CAMSAP3: variants seen among roughly 807,000 people sequenced by gnomAD.
The protein encoded by CAMSAP3 is calmodulin regulated spectrin associated protein family member 3, also known as calmodulin-regulated spectrin-associated protein 3.
In CAMSAP3, 34 loss-of-function variants were observed where a neutral mutation model predicts 112.5. The ratio of observed to expected loss-of-function variants is 0.30; its 90% CI spans 0.23 to 0.40. The LOEUF (loss-of-function observed/expected upper bound fraction) is 0.40. Among genes scored for constraint, CAMSAP3 ranks in the 10% least tolerant of loss-of-function variants. The pLI is 1.00. For missense variants in CAMSAP3, 1,602 were observed against 1,770.3 expected (o/e 0.90, Z 1.71); for synonymous variants, 868 against 799.8 (o/e 1.09, Z -1.44).
At position 7,610,563 on chromosome 19, in the gene CAMSAP3, G is replaced by A. The variant is rs774436448; in HGVS notation, c.848G>A (p.Arg283His). ...GATTTCTGTGCCTCTCGCCTTCCTC[G>A]TGGCTGCCCCCTGTCCCTTGAGGAC... ...VQDFCASRLP[R>H]GCPLSLEDLL... is the part of the protein sequence containing the mutation. Residue 283 changes from arginine (R) to histidine (H), a missense_variant, in exon 6 of 17, where the codon CGT (arginine) becomes CAT (histidine). Physicochemically the swap from Arg to His is conservative, Grantham distance 29. Transcript: ENST00000160298. The surrounding 1 kb of genome is among the most constrained non-coding windows in gnomAD (Gnocchi z 4.9). 108 of 1,613,562 alleles carry A rather than the reference G, an allele frequency of 6.7e-5. 1 individual carries two copies. Among genetic ancestry groups the A allele is most frequent in the Admixed American group, 1.3e-4 (8 of 59,996 alleles).
chr19:7,599,087 C>T (rs2446179), intron 1 of CAMSAP3, among the ~76,000 whole-genome samples: 69,287 of 151,488 alleles, frequency 0.46, 16,121 homozygotes, highest in South Asian at 0.64. Flanking sequence ...AGGAGGATTG[C>T]CTGAGCCCAG....
intron 1 of CAMSAP3, among the ~76,000 whole-genome samples, chr19:7,604,625 G>T (rs984499259): frequency 1.3e-5 from 2 of 151,756 alleles, no homozygotes; most frequent in Admixed American, 1.3e-4. Flanking sequence ...CTGCTCGCCT[G>T]TGTGCCCCCC....
chr19:7,612,093 G>GT lies in CAMSAP3; in HGVS notation c.1601dup (p.Glu536GlyfsTer45). 6.2e-7 allele frequency: 1 copy of GT among 1,609,968 alleles called. No individual in the cohort carries two copies. The highest frequency in any genetic ancestry group is 8.5e-7 in the Non-Finnish European group (1 of 1,177,434). On this transcript the variant is annotated frameshift_variant, in exon 11 of 17. Transcript: ENST00000160298. LOFTEE classifies it high-confidence loss of function. ...CCCCTCGAAACCATCTCCCTGTCTG[G>GT]TGGGGGAGGCATCGAAACCGCCAGC...
Position 7,596,129 on chromosome 19 carries a change from C to T in CAMSAP3, c.127C>T (p.Arg43Trp). ...GGCGGCCAGCCTGGCGTGGGTGCTG[C>T]GGGCCGCGTTCGGGGGCGCAGGTAC... Reference protein sequence around the residue: ...KAAASLAWVLRAAFGGAEHVP... With the variant: ...KAAASLAWVLWAAFGGAEHVP... The change falls in exon 1 of 17, where the codon CGG becomes TGG. Residue 43 changes from arginine (R) to tryptophan (W), a missense_variant. By Grantham distance (101) the Arg-to-Trp change is moderately radical. Coordinates refer to ENST00000160298, the MANE Select transcript of CAMSAP3 (RefSeq NM_020902.2). 2 of 1,112,750 alleles carry T rather than the reference C, an allele frequency of 1.8e-6. No individual in the cohort carries two copies. Among genetic ancestry groups the T allele is most frequent in the South Asian group, 2.0e-5 (1 of 49,398 alleles). The allele number at this position is 1,112,750 out of a possible 1,614,324, so 68.9% of individuals were successfully genotyped here.
chr19:7,613,716 G>C (rs912437641), intron 11 of CAMSAP3, among the ~76,000 whole-genome samples: 5 of 151,932 alleles, frequency 3.3e-5, no homozygotes, highest in African/African-American at 1.2e-4. Flanking sequence ...CAGATAGACG[G>C]ACAGGACCAG....
At chr19:7,616,947 T>G (rs866989281) in intron 14 of CAMSAP3, among the ~76,000 whole-genome samples, 15 of 112,392 alleles carry the variant, frequency 1.3e-4, no homozygotes, top group East Asian at 4.3e-4. Context: ...TTTTTTTTTT[T>G]TTTTTTTTTT....
chr19:7,602,064 A>G (rs1320888405), intron 1 of CAMSAP3, among the ~76,000 whole-genome samples: 1 of 152,088 alleles, frequency 6.6e-6, no homozygotes, highest in Non-Finnish European at 1.5e-5. Context: ...ATTGTCTCAA[A>G]AAAAAAAGGA....
Position 7,613,109 on chromosome 19 carries a change from G to A in CAMSAP3, c.2616G>A (p.Glu872=). 1 of 1,546,014 alleles carries A rather than the reference G, an allele frequency of 6.5e-7. No individual in the cohort carries two copies. Among genetic ancestry groups the A allele is most frequent in the African/African-American group, 1.4e-5 (1 of 72,778 alleles). The change falls in exon 11 of 17, where the codon GAG becomes GAA. Residue 872 remains glutamate (E), a synonymous_variant. Coordinates refer to ENST00000160298, the MANE Select transcript of CAMSAP3 (RefSeq NM_020902.2). ...GSPAGAEDSL[E]EEASSEGEPR... is the part of the protein sequence containing the mutation. ...CCGCTGGTGCTGAGGATTCCTTGGA[G>A]GAGGAGGCGTCTTCGGAGGGGGAGC...
intron 11 of CAMSAP3, among the ~76,000 whole-genome samples, chr19:7,613,467 C>T (rs987614145): frequency 8.0e-6 from 1 of 125,558 alleles, no homozygotes; most frequent in Non-Finnish European, 1.6e-5. Flanking sequence ...CCACAAGGGG[C>T]TGTGGGGGTG....
At position 7,611,723 on chromosome 19, in the gene CAMSAP3, CT is replaced by C; in HGVS notation, c.1233del (p.Phe411LeufsTer20). The part of the protein sequence containing the change: ...LSQAVSFSTP[F>X]GLDSDVDVVM... ...CCCAGGCTGTGTCATTCAGCACCCC[CT>C]TTGGCCTGGACAGCGACGTGGATGT... On this transcript the variant is annotated frameshift_variant, in exon 11 of 17. Transcript: ENST00000160298. LOFTEE classifies it high-confidence loss of function. The surrounding 1 kb of genome is among the most constrained non-coding windows in gnomAD (Gnocchi z 6.9). The C allele has an allele frequency of 6.4e-7, 1 of 1,563,524 alleles. No individual in the cohort carries two copies. Among genetic ancestry groups the C allele is most frequent in the Non-Finnish European group, 8.7e-7 (1 of 1,152,668 alleles).
intron 11 of CAMSAP3, among the ~76,000 whole-genome samples, 167 bp downstream of exon 11, chr19:7,613,330 T>G: frequency 8.8e-6 from 1 of 113,582 alleles, no homozygotes; most frequent in South Asian, 2.9e-4. Flanking sequence ...AGAACAGGTG[T>G]GAGTGGCTGG....
intron 1 of CAMSAP3, among the ~76,000 whole-genome samples, chr19:7,603,611 C>G (rs1599347074): frequency 6.6e-6 from 1 of 152,110 alleles, no homozygotes; most frequent in Admixed American, 6.6e-5. Context: ...CTTTGGGAAG[C>G]CAAGGCAGGT....
chr19:7,602,921 T>C (rs912682662), intron 1 of CAMSAP3, among the ~76,000 whole-genome samples: 3 of 138,098 alleles, frequency 2.2e-5, no homozygotes, highest in Admixed American at 1.5e-4. Flanking sequence ...TCAGGGAAAT[T>C]GAGGGAGAGG....
At position 7,596,030 on chromosome 19, in the gene CAMSAP3, G is replaced by T; in HGVS notation, c.28G>T (p.Gly10Trp). 8.3e-7 allele frequency: 1 copy of T among 1,205,516 alleles called. No homozygotes were observed. The highest frequency in any genetic ancestry group is 1.1e-6 in the Non-Finnish European group (1 of 945,474). 74.7% of individuals were successfully genotyped at this position (1,205,516 alleles called of 1,614,324 possible). Reference sequence around the variant, plus strand: ...GGTGGAGGCGGCGCCCCCCGGGCCCGGGCCGCTGCGGAGGACCTTTCTAGT... The same window carrying T: ...GGTGGAGGCGGCGCCCCCCGGGCCCTGGCCGCTGCGGAGGACCTTTCTAGT... MVEAAPPGP[G>W]PLRRTFLVPE... is the part of the protein sequence containing the mutation. Residue 10 changes from glycine (G) to tryptophan (W), a missense_variant, in exon 1 of 17, where the codon GGG becomes TGG. By Grantham distance (184) the Gly-to-Trp change is radical (BLOSUM62 -2). Coordinates refer to ENST00000160298, the MANE Select transcript of CAMSAP3 (RefSeq NM_020902.2).
chr19:7,615,069 C>A lies in CAMSAP3; in HGVS notation c.2671-114C>A. ...AGGCACCAACTAAGTGCATTTAGAA[C>A]AATGATGAAAACAAAAGCACAGGTG... is the stretch of plus-strand genomic sequence containing the variant. On this transcript the variant is annotated intron_variant, in intron 11 of 16. Transcript: ENST00000160298. The surrounding 1 kb of genome is among the most constrained non-coding windows in gnomAD (Gnocchi z 6.5). 1 of 1,294,746 alleles carries A rather than the reference C, an allele frequency of 7.7e-7. No individual in the cohort carries two copies. Among genetic ancestry groups the A allele is most frequent in the Non-Finnish European group, 1.1e-6 (1 of 919,022 alleles). The allele number at this position is 1,294,746 out of a possible 1,614,324, so 80.2% of individuals were successfully genotyped here.
In CAMSAP3 at chr19:7,605,362, T is replaced by G; in HGVS notation, c.285T>G (p.Leu95=). ...CCTGGCGCCAGGCACTGCCACAGCTTGAAACACCCCCCAACCCCTCTGCAC... is the reference window on the plus strand; with the variant it reads ...CCTGGCGCCAGGCACTGCCACAGCTGGAAACACCCCCCAACCCCTCTGCAC... ...CRAWRQALPQ[L]ETPPNPSALL... is the part of the protein sequence containing the mutation. The change falls in exon 2 of 17, where the codon CTT becomes CTG. Residue 95 remains leucine (L), a synonymous_variant. Transcript: ENST00000160298. The G allele has an allele frequency of 6.2e-7, 1 of 1,602,798 alleles. No homozygotes were observed. Among genetic ancestry groups the G allele is most frequent in the East Asian group, 2.3e-5 (1 of 44,312 alleles).
rs764157454 is a variant in CAMSAP3, at chr19:7,615,432, A to C, written c.2825A>C (p.Glu942Ala). 22 of 1,540,610 alleles carry C rather than the reference A, an allele frequency of 1.4e-5. No individual in the cohort carries two copies. The highest frequency in any genetic ancestry group is 2.7e-5 in the African/African-American group (2 of 72,910). Residue 942 changes from glutamate to alanine, a missense_variant, in exon 13 of 17, where the codon GAG becomes GCG. Physicochemically the swap from Glu to Ala is moderately radical, Grantham distance 107. Coordinates refer to ENST00000160298, the MANE Select transcript of CAMSAP3 (RefSeq NM_020902.2). This position sits in a 1 kb window ranked among gnomAD's most constrained non-coding sequence, Gnocchi z 6.5. Reference sequence around the variant, plus strand: ...GTGATCTGCAGGCTGGCCCAAGAGGAGGCCCCGGGCCCAGCCCCGCTTGTG... The same window carrying C: ...GTGATCTGCAGGCTGGCCCAAGAGGCGGCCCCGGGCCCAGCCCCGCTTGTG... The part of the protein sequence containing the change: ...REEAARLAQE[E>A]APGPAPLVSA...
rs770427418 is a variant in CAMSAP3 at position 7,612,386 on chromosome 19, G to C, written c.1893G>C (p.Arg631=). 3 of 1,598,284 alleles carry C rather than the reference G, an allele frequency of 1.9e-6. No homozygotes were observed. In the African/African-American group the frequency reaches 4.0e-5, roughly 21 times the overall value. ...IEAIFAKHRQ[R]LGKSAFLQVQ... ...CCATATTCGCCAAGCACCGCCAGCG[G>C]CTGGGCAAAAGCGCCTTCCTGCAGG... Residue 631 remains arginine, a synonymous_variant, in exon 11 of 17, where the codon CGG becomes CGC. Coordinates refer to ENST00000160298, the MANE Select transcript of CAMSAP3 (RefSeq NM_020902.2).
Position 7,615,645 on chromosome 19 carries a change from G to A in CAMSAP3, c.3038G>A (p.Arg1013Gln), listed in dbSNP as rs1277645888. Reference sequence around the variant, plus strand: ...TCCGGGGGTCCAGGTCGGGGCGGGCGGAGGGCCACCCGGCCTCGCTCGGGT... The same window carrying A: ...TCCGGGGGTCCAGGTCGGGGCGGGCAGAGGGCCACCCGGCCTCGCTCGGGT... ...AGSGGPGRGG[R>Q]RATRPRSGCC... Residue 1013 changes from arginine (R) to glutamine (Q), a missense_variant, in exon 13 of 17, where the codon CGG becomes CAG. Arg to Gln is a conservative substitution (Grantham distance 43, BLOSUM62 1). Around this residue, in one of 6 missense-constraint regions of CAMSAP3, gnomAD observed 1,100 missense variants for 1,135.7 expected, o/e 0.97. Coordinates refer to ENST00000160298, the MANE Select transcript of CAMSAP3 (RefSeq NM_020902.2). The surrounding 1 kb of genome is among the most constrained non-coding windows in gnomAD (Gnocchi z 6.5). The A allele has an allele frequency of 2.0e-5, 29 of 1,430,544 alleles. No individual in the cohort carries two copies. The highest frequency in any genetic ancestry group is 2.9e-5 in the Admixed American group (1 of 34,330). 88.6% of individuals were successfully genotyped at this position (1,430,544 alleles called of 1,614,324 possible).
Sources: allele counts gnomAD v4.1 joint callset (sites outside exome capture counted in the v4.1 genomes callset), GRCh38; gene constraint gnomAD v4.1.1; regional missense constraint gnomAD v4.1.1; non-coding constraint Gnocchi (gnomAD v3.1); transcripts MANE v1.5; gene names NCBI Gene and HGNC (gene_info 2026-07-23, HGNC 2026-07-21).